CHD8: variants seen among roughly 807,000 people sequenced by gnomAD.
CHD8 encodes the protein chromodomain helicase DNA binding protein 8.
In CHD8, 31 loss-of-function variants were observed where a neutral mutation model predicts 279.2. That is an observed-to-expected ratio of 0.11 (90% CI 0.08 to 0.15). The LOEUF (loss-of-function observed/expected upper bound fraction) is 0.15. Among genes scored for constraint, CHD8 ranks in the 10% least tolerant of loss-of-function variants. CHD8 has a pLI of 1.00. For synonymous variants in CHD8, 1,081 were observed against 1,139.6 expected, an observed-to-expected ratio of 0.95 and a Z score of 1.04; for missense variants, 2,146 against 3,230.5, an observed-to-expected ratio of 0.66 and a Z score of 8.14.
chr14:21,445,455 TG>T (rs1890089488), intron 1 of CHD8, among the ~76,000 whole-genome samples: 1 of 151,102 alleles, frequency 6.6e-6, no homozygotes, highest in Non-Finnish European at 1.5e-5. Context: ...CCGAGGCGGG[TG>T]GATCACCTGA....
At position 21,431,620 on chromosome 14, in the gene CHD8, C is replaced by T. The variant is rs959214306; in HGVS notation, c.24G>A (p.Leu8=). MADPIMD[L]FDDPNLFGLD... Reference sequence around the variant, plus strand: ...GGCCAAATAAATTTGGGTCATCGAACAGATCCATGATGGGGTCTGCCATCT... The same window carrying T: ...GGCCAAATAAATTTGGGTCATCGAATAGATCCATGATGGGGTCTGCCATCT... The change falls in exon 2 of 38, where the codon CTG becomes CTA. Residue 8 remains leucine (L), a synonymous_variant. Coordinates refer to ENST00000646647, the MANE Select transcript of CHD8 (RefSeq NM_001170629.2). The T allele has an allele frequency of 6.5e-7, 1 of 1,538,944 alleles. No individual in the cohort carries two copies. Among genetic ancestry groups the T allele is most frequent in the African/African-American group, 1.4e-5 (1 of 72,980 alleles).
intron 37 of CHD8, among the ~76,000 whole-genome samples, chr14:21,387,639 A>C (rs1486940946): frequency 2.4e-5 from 1 of 41,692 alleles, no homozygotes; most frequent in Non-Finnish European, 5.1e-5. Flanking sequence ...ACTCTGTATC[A>C]AAAAAAAAAA....
chr14:21,404,970 C>T (rs1025663618), intron 16 of CHD8: 9 of 502,142 alleles, frequency 1.8e-5, no homozygotes, highest in Non-Finnish European at 3.2e-5. Flanking sequence ...TAGCTAGAAC[C>T]ACAGATGCCT....
rs1887678601 is a variant in CHD8, at chr14:21,394,320, G to T, written c.5556C>A (p.Ala1852=). 1 of 1,613,940 alleles carries T rather than the reference G, an allele frequency of 6.2e-7. No individual in the cohort carries two copies. The highest frequency in any genetic ancestry group is 1.3e-5 in the African/African-American group (1 of 75,022). Residue 1852 remains alanine, a synonymous_variant, in exon 31 of 38, where the codon GCC becomes GCA. Coordinates refer to ENST00000646647, the MANE Select transcript of CHD8 (RefSeq NM_001170629.2). Reference sequence around the variant, plus strand: ...GAAGGCGGCATACTTGGCGGCACATGGCCACAAAGCCATGGAAGTACTTGG... The same window carrying T: ...GAAGGCGGCATACTTGGCGGCACATTGCCACAAAGCCATGGAAGTACTTGG... The part of the protein sequence containing the change: ...SLTKYFHGFV[A]MCRQVCRLPP...
chr14:21,437,265 C>T, intron 1 of CHD8: 13 of 1,157,010 alleles, frequency 1.1e-5, no homozygotes, highest in Non-Finnish European at 1.4e-5. Flanking sequence ...TCCTCCTGCG[C>T]AACCTAACCT....
In CHD8 at chr14:21,405,672, C is replaced by T. The variant is rs1381664994; in HGVS notation, c.3051+49G>A. On this transcript the variant is annotated intron_variant, in intron 15 of 37. Coordinates refer to ENST00000646647, the MANE Select transcript of CHD8 (RefSeq NM_001170629.2). This position sits in a 1 kb window ranked among gnomAD's most constrained non-coding sequence, Gnocchi z 4.2. ...ACAACAGATGTCTGCCTTGTACAAACTTCACCTTCTTTGTCCTGAGTTAGT... is the reference window on the plus strand; with the variant it reads ...ACAACAGATGTCTGCCTTGTACAAATTTCACCTTCTTTGTCCTGAGTTAGT... The T allele has an allele frequency of 1.9e-6, 3 of 1,602,702 alleles. No individual in the cohort carries two copies. Among genetic ancestry groups the T allele is most frequent in the Non-Finnish European group, 2.6e-6 (3 of 1,172,906 alleles).
rs374375986 is a variant in CHD8, at chr14:21,408,690, A to G, written c.2486+14T>C. On this transcript the variant is annotated intron_variant, in intron 12 of 37. Coordinates refer to ENST00000646647, the MANE Select transcript of CHD8 (RefSeq NM_001170629.2). The surrounding 1 kb of genome is among the most constrained non-coding windows in gnomAD (Gnocchi z 4.3). ...GAACTAAGCTTACATCTTATGGCCC[A>G]TTCTTTCCTTTACCTGTTATACCAA... is the stretch of plus-strand genomic sequence containing the variant. 1 of 1,607,964 alleles carries G rather than the reference A, an allele frequency of 6.2e-7. No homozygotes were observed. Among genetic ancestry groups the G allele is most frequent in the Non-Finnish European group, 8.5e-7 (1 of 1,177,136 alleles).
intron 3 of CHD8, among the ~76,000 whole-genome samples, chr14:21,428,761 C>A (rs1889436863): frequency 6.6e-6 from 1 of 151,872 alleles, no homozygotes; most frequent in African/African-American, 2.4e-5. Context: ...ATCTCATATC[C>A]CAAACCCAAC....
intron 1 of CHD8, among the ~76,000 whole-genome samples, chr14:21,447,315 T>C (rs913303571): frequency 2.0e-5 from 3 of 152,034 alleles, no homozygotes; most frequent in East Asian, 1.9e-4. Context: ...AGGACTATAA[T>C]GCCTCAGTGG....
chr14:21,412,549 G>A (rs546111710), intron 10 of CHD8, among the ~76,000 whole-genome samples: 5 of 152,120 alleles, frequency 3.3e-5, no homozygotes, highest in Non-Finnish European at 5.9e-5. Flanking sequence ...GAGCGAGCCT[G>A]TAGAAGTATT....
chr14:21,446,783 C>A (rs1428897295), intron 1 of CHD8, among the ~76,000 whole-genome samples: 2 of 152,212 alleles, frequency 1.3e-5, no homozygotes, highest in African/African-American at 2.4e-5. Flanking sequence ...AACCACCTTA[C>A]TATACTATGC....
At position 21,405,507 on chromosome 14, in the gene CHD8, G is replaced by A. The variant is rs371703313; in HGVS notation, c.3052-43C>T. 1.3e-6 allele frequency: 2 copies of A among 1,583,088 alleles called. No individual in the cohort carries two copies. Among genetic ancestry groups the A allele is most frequent in the Non-Finnish European group, 1.7e-6 (2 of 1,165,378 alleles). ...GAGAAAAATAAATCAATAAGATGAGGGCGAACATTCTCACATTATGTAGAA... is the reference window on the plus strand; with the variant it reads ...GAGAAAAATAAATCAATAAGATGAGAGCGAACATTCTCACATTATGTAGAA... On this transcript the variant is annotated intron_variant, in intron 15 of 37. Coordinates refer to ENST00000646647, the MANE Select transcript of CHD8 (RefSeq NM_001170629.2). This position sits in a 1 kb window ranked among gnomAD's most constrained non-coding sequence, Gnocchi z 4.2.
intron 29 of CHD8, 59 bp from the exon 30 acceptor site, chr14:21,395,178 A>G: frequency 1.3e-6 from 2 of 1,554,154 alleles, no homozygotes; most frequent in South Asian, 1.1e-5. Context: ...AGGCAATACT[A>G]GTATTTTAAC....
chr14:21,400,817 T>C lies in CHD8; in HGVS notation c.4370+58A>G. On this transcript the variant is annotated intron_variant, in intron 22 of 37. Coordinates refer to ENST00000646647, the MANE Select transcript of CHD8 (RefSeq NM_001170629.2). This position sits in a 1 kb window ranked among gnomAD's most constrained non-coding sequence, Gnocchi z 4.2. Reference sequence around the variant, plus strand: ...CCCAATTTGAAAGGCAAACCAAGAGTATCTATCAGGATGGAGATGCACTAT... The same window carrying C: ...CCCAATTTGAAAGGCAAACCAAGAGCATCTATCAGGATGGAGATGCACTAT... The C allele has an allele frequency of 6.1e-6, 9 of 1,480,296 alleles. 1 individual carries two copies. The South Asian group carries it at 1.2e-4, about 20-fold the overall frequency. 91.7% of individuals were successfully genotyped at this position (1,480,296 alleles called of 1,614,324 possible).
intron 34 of CHD8, 25 bp downstream of exon 34, chr14:21,392,482 C>G (rs1427528630): frequency 1.3e-6 from 2 of 1,595,930 alleles, no homozygotes; most frequent in African/African-American, 2.7e-5. Flanking sequence ...TTCCCCACTT[C>G]CCAATGCCCA....
intron 5 of CHD8, among the ~76,000 whole-genome samples, chr14:21,417,435 G>C (rs1324695382): frequency 6.6e-6 from 1 of 152,166 alleles, no homozygotes; most frequent in Non-Finnish European, 1.5e-5. Context: ...AAGAGTGCAG[G>C]CTGGGTGCAG....
At position 21,402,898 on chromosome 14, in the gene CHD8, C is replaced by T; in HGVS notation, c.3714+119G>A. 1.2e-6 allele frequency: 1 copy of T among 802,510 alleles called. No individual in the cohort carries two copies. The highest frequency in any genetic ancestry group is 1.9e-6 in the Non-Finnish European group (1 of 514,826). The allele number at this position is 802,510 out of a possible 1,614,324, so 49.7% of individuals were successfully genotyped here. On this transcript the variant is annotated intron_variant, in intron 18 of 37. Transcript: ENST00000646647. This position sits in a 1 kb window ranked among gnomAD's most constrained non-coding sequence, Gnocchi z 4.5. ...GTTTGCTGATTCCCTGACCTAACTG[C>T]CACCCTTAACTAAGGAAACAATTCC...
chr14:21,388,811 G>A (rs1336221552), intron 37 of CHD8, among the ~76,000 whole-genome samples: 3 of 152,092 alleles, frequency 2.0e-5, no homozygotes, highest in Admixed American at 6.6e-5. Flanking sequence ...TAAAGGACTC[G>A]AGCATCCATG....
rs373300491 is a variant in CHD8 at position 21,394,527 on chromosome 14, A to C, written c.5391-42T>G. ...AGGGCAACAATAATCAGAAGAACACATCAGAAGAACACAAGAAAACTGGTT... is the reference window on the plus strand; with the variant it reads ...AGGGCAACAATAATCAGAAGAACACCTCAGAAGAACACAAGAAAACTGGTT... On this transcript the variant is annotated intron_variant, in intron 30 of 37. Transcript: ENST00000646647. The C allele has an allele frequency of 3.6e-6, 5 of 1,376,360 alleles. No homozygotes were observed. In the African/African-American group the frequency reaches 7.2e-5, roughly 20 times the overall value. 85.3% of individuals were successfully genotyped at this position (1,376,360 alleles called of 1,614,324 possible). A position where few individuals can be genotyped will look rare whatever the true frequency, so the allele number is the denominator to read the frequency against.
Sources: allele counts gnomAD v4.1 joint callset (sites outside exome capture counted in the v4.1 genomes callset), GRCh38; gene constraint gnomAD v4.1.1; non-coding constraint Gnocchi (gnomAD v3.1); transcripts MANE v1.5; gene names NCBI Gene and HGNC (gene_info 2026-07-23, HGNC 2026-07-21).